The following PBX4 variants were observed in gnomAD, a reference collection of about 807,000 sequenced individuals.
The protein encoded by PBX4 is PBX homeobox 4, also known as pre-B-cell leukemia transcription factor 4.
PBX4 carries 26 observed loss-of-function variants against 35.1 expected under a neutral mutation model. The observed-to-expected ratio is 0.74, with a 90% confidence interval of 0.54 to 1.03. The LOEUF (loss-of-function observed/expected upper bound fraction) is 1.03. Among genes scored for constraint, PBX4 ranks in the 50% least tolerant of loss-of-function variants. PBX4 has a pLI of 0.00. For synonymous variants in PBX4, 199 were observed against 204.2 expected, an observed-to-expected ratio of 0.97 and a Z score of 0.22; for missense variants, 448 against 504.3, an observed-to-expected ratio of 0.89 and a Z score of 1.07.
At chr19:19,576,988 G>T (rs1354712776) in intron 2 of PBX4, among the ~76,000 whole-genome samples, 1 of 152,128 alleles carries the variant, frequency 6.6e-6, no homozygotes, top group Non-Finnish European at 1.5e-5. Context: ...ATTACAGTGA[G>T]AGGCTGAGGC....
At chr19:19,597,072 G>C (rs1366996022) in intron 2 of PBX4, among the ~76,000 whole-genome samples, 1 of 152,060 alleles carries the variant, frequency 6.6e-6, no homozygotes, top group Non-Finnish European at 1.5e-5. Context: ...AAATTAGCTG[G>C]GTGTGGTGGC....
intron 2 of PBX4, chr19:19,588,397 T>C: frequency 7.4e-7 from 1 of 1,350,042 alleles, no homozygotes; most frequent in South Asian, 1.2e-5. Flanking sequence ...AAAGATCAAA[T>C]CAGGATGATG....
At chr19:19,575,890 TCAGTCCCTCCACACAGGAC>T (rs536847421) in intron 2 of PBX4, among the ~76,000 whole-genome samples, 1 of 152,234 alleles carries the variant, frequency 6.6e-6, no homozygotes, top group South Asian at 2.1e-4. Flanking sequence ...TACACAGGAC[TCAGTCCCTCCACACAGGAC>T]CCCAGCATGC....
At chr19:19,605,842 T>A (rs2061627857) in intron 1 of PBX4, among the ~76,000 whole-genome samples, 1 of 52,896 alleles carries the variant, frequency 1.9e-5, no homozygotes, top group African/African-American at 1.2e-4. Context: ...GCTCTAGGAT[T>A]TTTTTTTTTT....
At chr19:19,582,750 A>T (rs1021597545) in intron 2 of PBX4, among the ~76,000 whole-genome samples, 1 of 152,196 alleles carries the variant, frequency 6.6e-6, no homozygotes, top group African/African-American at 2.4e-5. Context: ...TCTTTCAGCT[A>T]AGCTGAAAGA....
Position 19,563,450 on chromosome 19 carries a change from G to T in PBX4, c.1032+59C>A. ...AAGGCCGAGGGGTGGCTGACAAGAC[G>T]ACCCTTTCTGAGAACCTACCACCCA... On this transcript the variant is annotated intron_variant, in intron 7 of 7. Coordinates refer to ENST00000251203, the MANE Select transcript of PBX4 (RefSeq NM_025245.3). The surrounding 1 kb of genome is among the most constrained non-coding windows in gnomAD (Gnocchi z 5.1). The T allele has an allele frequency of 7.3e-7, 1 of 1,362,966 alleles. No individual in the cohort carries two copies. Among genetic ancestry groups the T allele is most frequent in the Non-Finnish European group, 1.0e-6 (1 of 1,001,596 alleles). The allele number at this position is 1,362,966 out of a possible 1,614,324, so 84.4% of individuals were successfully genotyped here.
At chr19:19,579,702 T>C (rs1356250103) in intron 2 of PBX4, 1 of 152,330 alleles carries the variant, frequency 6.6e-6, no homozygotes, top group Non-Finnish European at 1.5e-5. Flanking sequence ...TGGCTGTCAG[T>C]GGTCACTCCG....
chr19:19,565,923 A>G (rs918313938), intron 5 of PBX4, among the ~76,000 whole-genome samples: 1 of 152,004 alleles, frequency 6.6e-6, no homozygotes, highest in Non-Finnish European at 1.5e-5. Flanking sequence ...TCAGAAAAAA[A>G]AATATATTTT....
Position 19,561,811 on chromosome 19 carries a change from G to T in PBX4, c.*214C>A. Reference sequence around the variant, plus strand: ...ACCATAAAATTACTGTCAAAAAAACGAACTGAAGTGGGAGAATGAGTGGCG... The same window carrying T: ...ACCATAAAATTACTGTCAAAAAAACTAACTGAAGTGGGAGAATGAGTGGCG... On this transcript the variant is annotated 3_prime_UTR_variant, in exon 8 of 8. Transcript: ENST00000251203. 1 of 456,376 alleles carries T rather than the reference G, an allele frequency of 2.2e-6. No homozygotes were observed. Among genetic ancestry groups the T allele is most frequent in the Non-Finnish European group, 3.9e-6 (1 of 257,236 alleles). The allele number at this position is 456,376 out of a possible 1,614,324, so 28.3% of individuals were successfully genotyped here.
chr19:19,600,515 G>A (rs1332609801), intron 1 of PBX4, among the ~76,000 whole-genome samples: 1 of 148,892 alleles, frequency 6.7e-6, no homozygotes, highest in Non-Finnish European at 1.5e-5. Context: ...CAGAGGCCTT[G>A]TCATTAAGAA....
At chr19:19,569,605 G>C (rs373529208) in intron 4 of PBX4, 21 bp from the exon 5 acceptor site, 2 of 1,611,112 alleles carry the variant, frequency 1.2e-6, no homozygotes, top group African/African-American at 2.7e-5. Flanking sequence ...AGCCGCCTTC[G>C]TAGGCATTAA....
intron 2 of PBX4, among the ~76,000 whole-genome samples, chr19:19,578,432 A>G (rs902335971): frequency 1.3e-5 from 2 of 152,218 alleles, no homozygotes; most frequent in African/African-American, 2.4e-5. Flanking sequence ...ATTACCATCA[A>G]TTACAGCAAG....
Position 19,563,504 on chromosome 19 carries a change from C to G in PBX4, c.1032+5G>C. 5 of 1,546,732 alleles carry G rather than the reference C, an allele frequency of 3.2e-6. No homozygotes were observed. Among genetic ancestry groups the G allele is most frequent in the Non-Finnish European group, 4.4e-6 (5 of 1,144,114 alleles). On this transcript the variant is annotated splice_donor_5th_base_variant and intron_variant, in intron 7 of 7. Transcript: ENST00000251203. This position sits in a 1 kb window ranked among gnomAD's most constrained non-coding sequence, Gnocchi z 5.1. ...GGGCGCTGTGGGACAGTGCCTGAGA[C>G]TCACCTGGGACTGCAGGCAGCCTCC...
intron 2 of PBX4, among the ~76,000 whole-genome samples, chr19:19,583,745 G>A (rs529219488): frequency 4.6e-4 from 70 of 152,176 alleles, no homozygotes; most frequent in African/African-American, 1.6e-3. Context: ...GAGGTCAGGA[G>A]TTCCAGACCA....
intron 2 of PBX4, among the ~76,000 whole-genome samples, chr19:19,575,991 C>A (rs1488648330): frequency 6.6e-6 from 1 of 152,174 alleles, no homozygotes; most frequent in Non-Finnish European, 1.5e-5. Flanking sequence ...GGGAAAGGAG[C>A]ATGGTCAATG....
At chr19:19,581,708 C>T (rs2061455181) in intron 2 of PBX4, among the ~76,000 whole-genome samples, 1 of 152,198 alleles carries the variant, frequency 6.6e-6, no homozygotes, top group East Asian at 1.9e-4. Context: ...TGGTGGGAAG[C>T]AGGCCTGTCC....
At chr19:19,572,684 G>A (rs1255647782) in intron 2 of PBX4, among the ~76,000 whole-genome samples, 1 of 151,000 alleles carries the variant, frequency 6.6e-6, no homozygotes, top group Non-Finnish European at 1.5e-5. Flanking sequence ...AGCCAACGTG[G>A]AGAAACGCCA....
rs2061311788 is a variant in PBX4 at position 19,562,250 on chromosome 19, A to T, written c.1033-133T>A. 1.6e-6 allele frequency: 1 copy of T among 623,356 alleles called. No homozygotes were observed. Among genetic ancestry groups the T allele is most frequent in the African/African-American group, 1.9e-5 (1 of 53,446 alleles). 38.6% of individuals were successfully genotyped at this position (623,356 alleles called of 1,614,324 possible). A position where few individuals can be genotyped will look rare whatever the true frequency, so the allele number is the denominator to read the frequency against. On this transcript the variant is annotated intron_variant, in intron 7 of 7. Coordinates refer to ENST00000251203, the MANE Select transcript of PBX4 (RefSeq NM_025245.3). This position sits in a 1 kb window ranked among gnomAD's most constrained non-coding sequence, Gnocchi z 4.8. The stretch of plus-strand genomic sequence containing the variant: ...AAGATCCACAGATGACCTCCAGCTC[A>T]GTGGAGGAGGGAAGGGATGGAGGGG...
chr19:19,613,473 A>AG (rs1555741613), intron 1 of PBX4, among the ~76,000 whole-genome samples: 3,174 of 143,318 alleles, frequency 0.022, 114 homozygotes, highest in Middle Eastern at 0.049. Context: ...AAAAAAAAAA[A>AG]GTAACTGGCT....
Sources: allele counts gnomAD v4.1 joint callset (sites outside exome capture counted in the v4.1 genomes callset), GRCh38; gene constraint gnomAD v4.1.1; non-coding constraint Gnocchi (gnomAD v3.1); transcripts MANE v1.5; gene names NCBI Gene and HGNC (gene_info 2026-07-23, HGNC 2026-07-21).